CCDC192: variants seen among roughly 807,000 people sequenced by gnomAD.
CCDC192 encodes the protein coiled-coil domain-containing protein 192.
chr5:127,753,571 C>T (rs970039419), intron 2 of CCDC192, among the ~76,000 whole-genome samples: 1 of 151,940 alleles, frequency 6.6e-6, no homozygotes, highest in Admixed American at 6.6e-5. Context: ...TGGCGCGTGC[C>T]TGTAATCTCC....
chr5:127,757,923 C>T (rs762524632), intron 3 of CCDC192, among the ~76,000 whole-genome samples: 3 of 151,596 alleles, frequency 2.0e-5, no homozygotes, highest in Non-Finnish European at 4.4e-5. Flanking sequence ...GGATTTGTCA[C>T]AAGGATGTTG....
At chr5:127,862,965 T>C (rs1050485828) in intron 5 of CCDC192, among the ~76,000 whole-genome samples, 1 of 148,610 alleles carries the variant, frequency 6.7e-6, no homozygotes, top group Non-Finnish European at 1.5e-5. Flanking sequence ...AGGCTCTAAG[T>C]GAGACACAAA....
chr5:127,849,804 A>G (rs1750719064), intron 5 of CCDC192, among the ~76,000 whole-genome samples: 2 of 152,228 alleles, frequency 1.3e-5, no homozygotes, highest in Admixed American at 6.5e-5. Context: ...CTTACAGCTC[A>G]GGATCCAGCC....
chr5:127,727,471 T>A lies in CCDC192; in HGVS notation c.114+19711T>A, dbSNP rs372459009. Among the ~76,000 whole-genome samples, 474 of 146,430 alleles carry A rather than the reference T, an allele frequency of 3.2e-3. 4 individuals carry two copies. The highest frequency in any genetic ancestry group is 0.011 in the African/African-American group (451 of 39,650). The stretch of plus-strand genomic sequence containing the variant: ...TGGGCAACAAGAGAGAAACTCCATC[T>A]AAAAAAAGAAAAAAAAAATCAAAAG... On this transcript the variant is annotated intron_variant, in intron 2 of 6. Transcript: ENST00000514853.
intron 6 of CCDC192, among the ~76,000 whole-genome samples, chr5:127,923,312 A>G (rs1363169485): frequency 6.6e-6 from 1 of 151,998 alleles, no homozygotes; most frequent in Admixed American, 6.5e-5. Flanking sequence ...TTTTACTCAT[A>G]GTTCATTCAT....
chr5:127,913,722 T>C (rs983878828), intron 6 of CCDC192, among the ~76,000 whole-genome samples: 1 of 152,222 alleles, frequency 6.6e-6, no homozygotes, highest in African/African-American at 2.4e-5. Context: ...GTCTTTTAGA[T>C]TGGGATCTGT....
At chr5:127,736,746 G>C (rs1449991145) in intron 2 of CCDC192, among the ~76,000 whole-genome samples, 2 of 150,678 alleles carry the variant, frequency 1.3e-5, no homozygotes, top group Non-Finnish European at 3.0e-5. Flanking sequence ...TCTGATGGTA[G>C]TTTGTATTTC....
chr5:127,716,099 G>A (rs1751608474), intron 2 of CCDC192, among the ~76,000 whole-genome samples: 1 of 152,064 alleles, frequency 6.6e-6, no homozygotes, highest in Non-Finnish European at 1.5e-5. Flanking sequence ...TATCATGAAG[G>A]GATGTTGCAT....
intron 6 of CCDC192, among the ~76,000 whole-genome samples, chr5:127,884,105 A>T (rs1023131098): frequency 6.6e-6 from 1 of 152,104 alleles, no homozygotes; most frequent in African/African-American, 2.4e-5. Flanking sequence ...CTGAAAGAAG[A>T]GGCTGAGGCA....
intron 2 of CCDC192, among the ~76,000 whole-genome samples, chr5:127,714,842 T>C (rs571568447): frequency 1.3e-5 from 2 of 152,352 alleles, no homozygotes; most frequent in African/African-American, 4.8e-5. Flanking sequence ...TGAGATGATA[T>C]CTTATTGTGG....
At chr5:127,847,840 A>AATAAATAC (rs1351940581) in intron 5 of CCDC192, among the ~76,000 whole-genome samples, 2 of 151,156 alleles carry the variant, frequency 1.3e-5, no homozygotes, top group Admixed American at 6.6e-5. Flanking sequence ...TAAATAAATA[A>AATAAATAC]ATAAATAAAT....
At chr5:127,823,258 G>A (rs1482488631) in intron 5 of CCDC192, among the ~76,000 whole-genome samples, 3 of 152,176 alleles carry the variant, frequency 2.0e-5, no homozygotes, top group African/African-American at 7.2e-5. Context: ...TGTGGGTACA[G>A]GTGATGTTGA....
chr5:127,926,810 G>T (rs1230933536), intron 6 of CCDC192, among the ~76,000 whole-genome samples: 1 of 152,156 alleles, frequency 6.6e-6, no homozygotes, highest in Non-Finnish European at 1.5e-5. Context: ...GGAATGAAAT[G>T]ACCTATAGAG....
intron 2 of CCDC192, among the ~76,000 whole-genome samples, chr5:127,708,658 C>T (rs929659862): frequency 6.6e-6 from 1 of 152,100 alleles, no homozygotes; most frequent in Non-Finnish European, 1.5e-5. Context: ...TTAAACTCTC[C>T]GAGCTTTACT....
intron 3 of CCDC192, among the ~76,000 whole-genome samples, chr5:127,775,897 C>T (rs920862815): frequency 6.6e-6 from 1 of 152,208 alleles, no homozygotes; most frequent in African/African-American, 2.4e-5. Flanking sequence ...CTTTGCTCTT[C>T]CTTCATCTTC....
intron 5 of CCDC192, among the ~76,000 whole-genome samples, chr5:127,818,185 T>C (rs534253298): frequency 6.6e-6 from 1 of 152,320 alleles, no homozygotes; most frequent in East Asian, 1.9e-4. Context: ...AATAAATAAA[T>C]TGCTACCTCT....
intron 6 of CCDC192, among the ~76,000 whole-genome samples, chr5:127,905,702 T>C (rs1753174950): frequency 1.3e-5 from 2 of 152,288 alleles, no homozygotes; most frequent in South Asian, 2.1e-4. Context: ...TCTAAGAGAA[T>C]TGGAATGCAA....
At chr5:127,745,848 AAATT>A (rs1753708770) in intron 2 of CCDC192, among the ~76,000 whole-genome samples, 1 of 152,208 alleles carries the variant, frequency 6.6e-6, no homozygotes, top group Non-Finnish European at 1.5e-5. Context: ...AAGTAAAATA[AAATT>A]AATTATGGAA....
intron 3 of CCDC192, among the ~76,000 whole-genome samples, chr5:127,776,873 T>A (rs535246513): frequency 6.6e-6 from 1 of 152,174 alleles, no homozygotes; most frequent in Non-Finnish European, 1.5e-5. Flanking sequence ...AGAATTGAGG[T>A]TTGGAAACTT....
Sources: gnomAD v4.1 joint callset for allele counts (sites outside exome capture counted in the v4.1 genomes callset) on GRCh38, gnomAD v4.1.1 for gene constraint, MANE v1.5 for transcripts, NCBI Gene and HGNC (gene_info 2026-07-23, HGNC 2026-07-21) for gene names.